The following RFX2 variants were observed in gnomAD, a reference collection of about 807,000 sequenced individuals.
The protein encoded by RFX2 is DNA-binding protein RFX2.
Under a neutral mutation model 87.8 loss-of-function variants are expected in RFX2, and 20 were observed. The ratio of observed to expected loss-of-function variants is 0.23; its 90% CI spans 0.16 to 0.33. RFX2 has a LOEUF of 0.33. RFX2 is among the 10% of genes least tolerant of loss of function. The probability of loss-of-function intolerance (pLI) is 1.00; values close to 1 mark genes in which losing one functional copy is unlikely to be tolerated. For missense variants in RFX2, 767 were observed against 1,012.3 expected (o/e 0.76, Z 3.29); for synonymous variants, 397 against 431.3 (o/e 0.92, Z 0.98).
chr19:6,095,917 T>C (rs1018795698), intron 1 of RFX2, among the ~76,000 whole-genome samples: 1 of 152,236 alleles, frequency 6.6e-6, no homozygotes, highest in African/African-American at 2.4e-5. Context: ...CATTTCAGCA[T>C]CCATAAATAA....
At chr19:6,081,035 C>CAA (rs537462734) in intron 1 of RFX2, among the ~76,000 whole-genome samples, 7 of 89,692 alleles carry the variant, frequency 7.8e-5, no homozygotes, top group East Asian at 3.7e-4. Context: ...GACTCCATCT[C>CAA]AAAAAAAAAA....
intron 1 of RFX2, among the ~76,000 whole-genome samples, chr19:6,093,069 C>G (rs1026520229): frequency 1.3e-5 from 2 of 152,026 alleles, no homozygotes; most frequent in Non-Finnish European, 2.9e-5. Flanking sequence ...AGGAATGGAG[C>G]GCAGATGTAA....
In RFX2 at chr19:6,097,497, C is replaced by T. The variant is rs144526725; in HGVS notation, c.-9+12896G>A. 4.5e-3 allele frequency among the ~76,000 whole-genome samples: 683 copies of T among 152,184 alleles called. 3 individuals are homozygous for T. Among genetic ancestry groups the T allele is most frequent in the Non-Finnish European group, 7.9e-3 (534 of 68,018 alleles). On this transcript the variant is annotated intron_variant, in intron 1 of 17. Coordinates refer to ENST00000303657, the MANE Select transcript of RFX2 (RefSeq NM_000635.4). ...GGCGTGATCATCATTCCAATTCCAC[C>T]GGGCTTTTACAAGGATTAGAAGTAA...
chr19:6,070,190 G>A (rs201238661), intron 1 of RFX2, among the ~76,000 whole-genome samples: 1 of 61,100 alleles, frequency 1.6e-5, no homozygotes, highest in Non-Finnish European at 3.4e-5. Flanking sequence ...GATGGGATGG[G>A]ATGGGATGTG....
At chr19:6,098,305 C>G (rs1231289166) in intron 1 of RFX2, among the ~76,000 whole-genome samples, 1 of 152,124 alleles carries the variant, frequency 6.6e-6, no homozygotes, top group South Asian at 2.1e-4. Flanking sequence ...TGTTACTGGT[C>G]TAACTAGAAA....
In RFX2 at chr19:6,025,441, A is replaced by C. The variant is rs150747034; in HGVS notation, c.597+722T>G. On this transcript the variant is annotated intron_variant, in intron 6 of 17. Coordinates refer to ENST00000303657, the MANE Select transcript of RFX2 (RefSeq NM_000635.4). ...TCTTTCCAAGAGAGGATCCCAAGAAAATTAGCTAAGAGTCTAAGGCATTCC... is the reference window on the plus strand; with the variant it reads ...TCTTTCCAAGAGAGGATCCCAAGAACATTAGCTAAGAGTCTAAGGCATTCC... Among the ~76,000 whole-genome samples, 373 of 152,290 alleles carry C rather than the reference A, an allele frequency of 2.4e-3. 1 individual carries two copies. Among genetic ancestry groups the C allele is most frequent in the African/African-American group, 8.0e-3 (332 of 41,552 alleles).
In RFX2 at chr19:6,027,830, G is replaced by T. The variant is rs1466874438; in HGVS notation, c.523-1593C>A. Among the ~76,000 whole-genome samples the T allele has an allele frequency of 6.6e-6, 1 of 152,246 alleles. No homozygotes were observed. The highest frequency in any genetic ancestry group is 1.9e-4 in the East Asian group (1 of 5,186). The stretch of plus-strand genomic sequence containing the variant: ...GGCTGGAGTGCAGTGATGTGATCTC[G>T]GCTCAGGGCCACCTCTGCCTCCTAG... On this transcript the variant is annotated intron_variant, in intron 5 of 17. Coordinates refer to ENST00000303657, the MANE Select transcript of RFX2 (RefSeq NM_000635.4). This position sits in a 1 kb window ranked among gnomAD's most constrained non-coding sequence, Gnocchi z 5.0.
intron 3 of RFX2, among the ~76,000 whole-genome samples, chr19:6,042,495 T>TG (rs1462994932): frequency 3.3e-5 from 5 of 151,514 alleles, no homozygotes; most frequent in Admixed American, 2.6e-4. Flanking sequence ...CCCTGGTTTC[T>TG]GTTTTTTTTT....
At chr19:6,103,329 G>C (rs964210530) in intron 1 of RFX2, among the ~76,000 whole-genome samples, 1 of 152,140 alleles carries the variant, frequency 6.6e-6, no homozygotes, top group African/African-American at 2.4e-5. Context: ...ATAAGGAATT[G>C]CCAGGGCATA....
At chr19:6,107,669 A>G (rs920826629) in intron 1 of RFX2, among the ~76,000 whole-genome samples, 5 of 149,500 alleles carry the variant, frequency 3.3e-5, no homozygotes, top group Non-Finnish European at 7.4e-5. Flanking sequence ...TAAAATTTTG[A>G]CTCGATTATA....
intron 1 of RFX2, among the ~76,000 whole-genome samples, chr19:6,092,767 G>C: frequency 6.6e-6 from 1 of 152,280 alleles, no homozygotes; most frequent in East Asian, 1.9e-4. Context: ...CACCTCCTAA[G>C]TGGCCCACAG....
intron 1 of RFX2, among the ~76,000 whole-genome samples, chr19:6,104,561 T>C (rs2088180360): frequency 7.3e-6 from 1 of 136,758 alleles, no homozygotes; most frequent in Non-Finnish European, 1.5e-5. Flanking sequence ...AGAGTGAGAC[T>C]CCATCTCAAA....
chr19:6,082,057 A>C (rs2087792329), intron 1 of RFX2, among the ~76,000 whole-genome samples: 1 of 152,144 alleles, frequency 6.6e-6, no homozygotes, highest in South Asian at 2.1e-4. Flanking sequence ...ACTGCACTCC[A>C]GCACTCTAGC....
intron 1 of RFX2, among the ~76,000 whole-genome samples, chr19:6,059,932 A>G (rs2087403933): frequency 6.6e-6 from 1 of 151,812 alleles, no homozygotes; most frequent in Non-Finnish European, 1.5e-5. Flanking sequence ...CCACTAGACA[A>G]AAACAACGAT....
intron 1 of RFX2, among the ~76,000 whole-genome samples, chr19:6,076,721 T>C (rs764335365): frequency 2.0e-5 from 3 of 152,240 alleles, no homozygotes; most frequent in Non-Finnish European, 2.9e-5. Context: ...AATTTACTGA[T>C]TTTTTGCAGA....
chr19:6,005,361 G>A (rs974182578), intron 12 of RFX2, among the ~76,000 whole-genome samples: 4 of 152,358 alleles, frequency 2.6e-5, no homozygotes, highest in South Asian at 2.1e-4. Flanking sequence ...TGAGGGGCAC[G>A]GTCCATGGGC....
At chr19:6,099,441 G>A (rs1336565623) in intron 1 of RFX2, among the ~76,000 whole-genome samples, 1 of 152,102 alleles carries the variant, frequency 6.6e-6, no homozygotes, top group Non-Finnish European at 1.5e-5. Context: ...TATTGAAAGA[G>A]CTGGAATGTT....
At chr19:6,006,090 C>A (rs2086575406) in intron 12 of RFX2, among the ~76,000 whole-genome samples, 1 of 152,234 alleles carries the variant, frequency 6.6e-6, no homozygotes, top group Admixed American at 6.5e-5. Context: ...CTGTGACCTT[C>A]CCCTCGAGTC....
At chr19:6,006,594 C>T (rs1015194178) in intron 12 of RFX2, among the ~76,000 whole-genome samples, 2 of 151,248 alleles carry the variant, frequency 1.3e-5, no homozygotes, top group Non-Finnish European at 2.9e-5. Flanking sequence ...GGACTACAGG[C>T]GTGTGCCACC....
Sources: gnomAD v4.1 joint callset for allele counts (sites outside exome capture counted in the v4.1 genomes callset) on GRCh38, gnomAD v4.1.1 for gene constraint, Gnocchi (gnomAD v3.1) non-coding constraint, MANE v1.5 for transcripts, NCBI Gene and HGNC (gene_info 2026-07-23, HGNC 2026-07-21) for gene names.